The following SNAPC3 variants were observed in gnomAD, a reference collection of about 807,000 sequenced individuals.
SNAPC3 encodes the protein snRNA-activating protein complex subunit 3.
A neutral mutation model predicts 47.7 loss-of-function variants in SNAPC3; 56 were observed. That is an observed-to-expected ratio of 1.18 (90% confidence interval 0.95 to 1.47). SNAPC3 has a LOEUF of 1.47. Ranked by LOEUF, SNAPC3 falls within the 40% of genes most tolerant of loss-of-function variation. SNAPC3 has a pLI of 0.00. For missense variants in SNAPC3, 665 were observed against 511.3 expected (o/e 1.30, Z -2.90); for synonymous variants, 235 against 189.9 (o/e 1.24, Z -1.95).
chr9:15,451,792 A>AT (rs537556917), intron 6 of SNAPC3, among the ~76,000 whole-genome samples: 64 of 151,792 alleles, frequency 4.2e-4, no homozygotes, highest in Middle Eastern at 3.4e-3. Context: ...ACCTTTCACT[A>AT]TTTTTTCTGC....
intron 2 of SNAPC3, among the ~76,000 whole-genome samples, chr9:15,427,182 C>T (rs1469473309): frequency 6.6e-6 from 1 of 152,098 alleles, no homozygotes; most frequent in East Asian, 1.9e-4. Context: ...ACATGTTGCT[C>T]CCTTAATCTA....
At chr9:15,425,374 C>T (rs1242625720) in intron 2 of SNAPC3, among the ~76,000 whole-genome samples, 4 of 152,038 alleles carry the variant, frequency 2.6e-5, no homozygotes, top group Admixed American at 6.6e-5. Context: ...CCTGCACCCT[C>T]GGCTGCCTAA....
chr9:15,438,777 C>G (rs1012715385), intron 3 of SNAPC3, among the ~76,000 whole-genome samples: 14 of 151,908 alleles, frequency 9.2e-5, no homozygotes, highest in African/African-American at 3.1e-4. Context: ...GTTGGTGTAT[C>G]CTGGAGAATG....
At chr9:15,423,681 ATAACTT>A (rs1286511938) in intron 1 of SNAPC3, among the ~76,000 whole-genome samples, 1 of 152,198 alleles carries the variant, frequency 6.6e-6, no homozygotes, top group African/African-American at 2.4e-5. Flanking sequence ...AAATATAAAA[ATAACTT>A]TAATCTCTTT....
downstream of SNAPC3, chr9:15,464,547 A>G (rs1217745233): frequency 1.0e-5 from 2 of 199,964 alleles, no homozygotes; most frequent in East Asian, 1.6e-4. Context: ...TTTGGAATCT[A>G]GAAAATAAAA....
intron 5 of SNAPC3, among the ~76,000 whole-genome samples, chr9:15,448,156 CA>C (rs796402159): frequency 2.1e-4 from 32 of 152,206 alleles, no homozygotes; most frequent in African/African-American, 7.7e-4. Context: ...AGTGTTTGGA[CA>C]AGAACCAACA....
chr9:15,464,597 A>G (rs928977159), downstream of SNAPC3: 1 of 197,666 alleles, frequency 5.1e-6, no homozygotes, highest in Admixed American at 6.0e-5. Flanking sequence ...GTTTCCTTAT[A>G]TAACATTTAT....
chr9:15,465,886 T>G (rs1407681686), downstream of SNAPC3: 1 of 272,170 alleles, frequency 3.7e-6, no homozygotes, highest in African/African-American at 2.2e-5. Context: ...TTAAAGAACA[T>G]GAGAATGTTT....
intron 4 of SNAPC3, among the ~76,000 whole-genome samples, chr9:15,445,644 T>G (rs1266531431): frequency 1.3e-5 from 2 of 152,180 alleles, no homozygotes; most frequent in Non-Finnish European, 2.9e-5. Flanking sequence ...CTAATCTTAT[T>G]TGATTAAGAT....
intron 3 of SNAPC3, among the ~76,000 whole-genome samples, chr9:15,434,589 G>A (rs1488053908): frequency 6.6e-6 from 1 of 151,884 alleles, no homozygotes; most frequent in Non-Finnish European, 1.5e-5. Flanking sequence ...TGTATTTTTA[G>A]TAGAGACGGT....
At chr9:15,466,240 G>A (rs990045886), downstream of SNAPC3, among the ~76,000 whole-genome samples, 5 of 152,150 alleles carry the variant, frequency 3.3e-5, no homozygotes, top group Non-Finnish European at 5.9e-5. Context: ...TTAGATGGGC[G>A]TGGTGGCAGG....
At chr9:15,463,044 A>T (rs1358488051), downstream of SNAPC3, 6 of 152,012 alleles carry the variant, frequency 3.9e-5, no homozygotes, top group East Asian at 9.7e-4. Flanking sequence ...AAAATCTATC[A>T]TATTATTTGA....
intron 2 of SNAPC3, among the ~76,000 whole-genome samples, chr9:15,426,867 T>C (rs1000955719): frequency 2.0e-5 from 3 of 152,212 alleles, no homozygotes; most frequent in Admixed American, 1.3e-4. Context: ...TATTTTGATA[T>C]ACTGTGAAGC....
At chr9:15,426,529 A>G (rs2031425065) in intron 2 of SNAPC3, among the ~76,000 whole-genome samples, 1 of 152,164 alleles carries the variant, frequency 6.6e-6, no homozygotes, top group South Asian at 2.1e-4. Flanking sequence ...GCCAACAAAT[A>G]TTTGTAGAAT....
intron 5 of SNAPC3, among the ~76,000 whole-genome samples, chr9:15,449,535 T>TTATATATATA (rs538667627): frequency 3.5e-4 from 16 of 45,764 alleles, no homozygotes; most frequent in African/African-American, 1.1e-3. Context: ...TCTATTATTA[T>TTATATATATA]TATATATATA....
At chr9:15,465,789 AGT>A (rs386733027), downstream of SNAPC3, 39 of 481,980 alleles carry the variant, frequency 8.1e-5, no homozygotes, top group African/African-American at 5.4e-4. Flanking sequence ...TTCTTCCCAA[AGT>A]AATATGCAGA....
chr9:15,453,917 T>G (rs1381058795), intron 7 of SNAPC3, among the ~76,000 whole-genome samples: 1 of 152,336 alleles, frequency 6.6e-6, no homozygotes, highest in East Asian at 1.9e-4. Context: ...TTACTGGTAT[T>G]AATTAGTAAT....
intron 3 of SNAPC3, among the ~76,000 whole-genome samples, chr9:15,441,077 A>G (rs1484648871): frequency 6.6e-6 from 1 of 152,004 alleles, no homozygotes; most frequent in African/African-American, 2.4e-5. Flanking sequence ...ATTTTCTTTA[A>G]GTATTTGGTT....
At position 15,453,061 on chromosome 9, in the gene SNAPC3, A is replaced by C; in HGVS notation, c.836A>C (p.Glu279Ala). 1 of 1,613,406 alleles carries C rather than the reference A, an allele frequency of 6.2e-7. No individual in the cohort carries two copies. Among genetic ancestry groups the C allele is most frequent in the Non-Finnish European group, 8.5e-7 (1 of 1,179,516 alleles). ...DLSRTIIEWS[E>A]SHDRGYGKFQ... ...CTCAGAACTATCATTGAGTGGTCAG[A>C]GTCCCATGATAGAGGCTATGGAAAG... The change falls in exon 7 of 9, where the codon GAG becomes GCG. Residue 279 changes from glutamate (E) to alanine (A), a missense_variant. Physicochemically the swap from Glu to Ala is moderately radical, Grantham distance 107. Coordinates refer to ENST00000380821, the MANE Select transcript of SNAPC3 (RefSeq NM_001039697.2).
Sources: gnomAD v4.1 joint callset for allele counts (sites outside exome capture counted in the v4.1 genomes callset) on GRCh38, gnomAD v4.1.1 for gene constraint, MANE v1.5 for transcripts, NCBI Gene and HGNC (gene_info 2026-07-23, HGNC 2026-07-21) for gene names.